Variants in ADRA1A observed in about 807,000 individuals in gnomAD.
ADRA1A encodes alpha-1A adrenergic receptor.
In ADRA1A, 31 loss-of-function variants were observed where a neutral mutation model predicts 29.6. The observed-to-expected ratio is 1.05, with a 90% CI of 0.79 to 1.41. The LOEUF (loss-of-function observed/expected upper bound fraction) is 1.41, where lower values mean the gene tolerates loss of function less well. ADRA1A is among the 40% of genes most tolerant of loss of function. The probability of loss-of-function intolerance (pLI) is 0.00; values close to 1 mark genes in which losing one functional copy is unlikely to be tolerated. For missense variants in ADRA1A, 619 were observed against 601.1 expected (o/e 1.03, Z -0.31); for synonymous variants, 311 against 254.3 (o/e 1.22, Z -2.12).
chr8:26,796,568 A>G lies in ADRA1A; in HGVS notation c.884-25902T>C, dbSNP rs1009189163. On this transcript the variant is annotated intron_variant, in intron 2 of 2. Transcript: ENST00000380573. The surrounding 1 kb of genome is among the most constrained non-coding windows in gnomAD (Gnocchi z 5.0). The stretch of plus-strand genomic sequence containing the variant: ...TCACAGCCTACAGTACCGTGAAGAC[A>G]AGGAGGAAAGATTCGAGGACAAATG... Among the ~76,000 whole-genome samples, 1 of 152,144 alleles carries G rather than the reference A, an allele frequency of 6.6e-6. No individual in the cohort carries two copies. Among genetic ancestry groups the G allele is most frequent in the Non-Finnish European group, 1.5e-5 (1 of 68,020 alleles).
chr8:26,769,912 C>G lies in ADRA1A; in HGVS notation c.*237G>C. On this transcript the variant is annotated 3_prime_UTR_variant, in exon 3 of 3. Transcript: ENST00000380573. ...AGTGGGCACAGAGTGACCAAGAAAG[C>G]ATTAGCTGCAGGGAAATGCTGTTCC... 1 of 1,261,092 alleles carries G rather than the reference C, an allele frequency of 7.9e-7. No homozygotes were observed. The highest frequency in any genetic ancestry group is 1.0e-6 in the Non-Finnish European group (1 of 1,004,750). 78.1% of individuals were successfully genotyped at this position (1,261,092 alleles called of 1,614,324 possible). A position where few individuals can be genotyped will look rare whatever the true frequency, so the allele number is the denominator to read the frequency against.
Position 26,769,291 on chromosome 8 carries a change from A to T in ADRA1A, c.*858T>A. ...CTATCTTTGCAAGAAATTAACAGCC[A>T]CACCAACCTCTTGCTCTTTAAAGAT... On this transcript the variant is annotated 3_prime_UTR_variant, in exon 3 of 3. Coordinates refer to ENST00000380573, the MANE Select transcript of ADRA1A (RefSeq NM_000680.4). The T allele has an allele frequency of 3.0e-6, 3 of 985,428 alleles. No individual in the cohort carries two copies. The highest frequency in any genetic ancestry group is 3.6e-6 in the Non-Finnish European group (3 of 829,900). The allele number at this position is 985,428 out of a possible 1,614,324, so 61.0% of individuals were successfully genotyped here.
chr8:26,859,958 G>A (rs908375118), intron 2 of ADRA1A, among the ~76,000 whole-genome samples: 4 of 151,986 alleles, frequency 2.6e-5, no homozygotes, highest in African/African-American at 9.7e-5. Context: ...AGTAAAGACA[G>A]GGTTTCACCA....
chr8:26,787,159 G>T lies in ADRA1A; in HGVS notation c.884-16493C>A, dbSNP rs1807452717. Among the ~76,000 whole-genome samples the T allele has an allele frequency of 6.6e-6, 1 of 152,146 alleles. No homozygotes were observed. Among genetic ancestry groups the T allele is most frequent in the Non-Finnish European group, 1.5e-5 (1 of 68,026 alleles). On this transcript the variant is annotated intron_variant, in intron 2 of 2. Coordinates refer to ENST00000380573, the MANE Select transcript of ADRA1A (RefSeq NM_000680.4). The surrounding 1 kb of genome is among the most constrained non-coding windows in gnomAD (Gnocchi z 4.2). ...CTCATGTTTTAAATTTCTAGATGAT[G>T]CTATCTGCGAATCTGTCACTGCTTT...
chr8:26,788,499 C>T (rs1033602301), intron 2 of ADRA1A, among the ~76,000 whole-genome samples: 1 of 152,066 alleles, frequency 6.6e-6, no homozygotes, highest in Non-Finnish European at 1.5e-5. Flanking sequence ...TTCCTAGCAC[C>T]ATGAGGGTGA....
chr8:26,770,560 G>T lies in ADRA1A; in HGVS notation c.990C>A (p.Ser330Arg). The T allele has an allele frequency of 1.2e-6, 2 of 1,614,198 alleles. No homozygotes were observed. The highest frequency in any genetic ancestry group is 1.7e-6 in the Non-Finnish European group (2 of 1,180,040). Residue 330 changes from serine to arginine, a missense_variant, in exon 3 of 3, where the codon AGC (serine) becomes AGA (arginine). Coordinates refer to ENST00000380573, the MANE Select transcript of ADRA1A (RefSeq NM_000680.4). ...CINPIIYPCS[S>R]QEFKKAFQNV... ...TCTGAAAGGCCTTTTTGAACTCTTG[G>T]CTGGAGCATGGGTATATGATGGGGT...
At chr8:26,788,985 C>T (rs1242843770) in intron 2 of ADRA1A, among the ~76,000 whole-genome samples, 4 of 151,980 alleles carry the variant, frequency 2.6e-5, no homozygotes, top group African/African-American at 9.7e-5. Flanking sequence ...GCGGAACGTG[C>T]ACATTTGTTA....
chr8:26,850,621 G>T (rs1271099187), intron 2 of ADRA1A, among the ~76,000 whole-genome samples: 1 of 152,142 alleles, frequency 6.6e-6, no homozygotes, highest in Non-Finnish European at 1.5e-5. Flanking sequence ...TCAGGCTCCT[G>T]AATAGCTAGA....
chr8:26,807,820 G>A (rs1809107825), intron 2 of ADRA1A, among the ~76,000 whole-genome samples: 2 of 152,174 alleles, frequency 1.3e-5, no homozygotes, highest in East Asian at 1.9e-4. Flanking sequence ...AAGAGGCCAG[G>A]ACCCATCCAC....
rs1813883200 is a variant in ADRA1A, at chr8:26,865,994, G to A, written c.-686-339C>T. Among the ~76,000 whole-genome samples, 1 of 152,220 alleles carries A rather than the reference G, an allele frequency of 6.6e-6. No individual in the cohort carries two copies. The highest frequency in any genetic ancestry group is 2.4e-5 in the African/African-American group (1 of 41,468). ...CGAAATTAAAATCCTCGAAGCCCCG[G>A]AGGGGCGACTGCGGCTGGCGAGTGT... On this transcript the variant is annotated intron_variant, in intron 1 of 2. Transcript: ENST00000380573. This position sits in a 1 kb window ranked among gnomAD's most constrained non-coding sequence, Gnocchi z 7.6.
At chr8:26,780,794 A>C (rs1806920875) in intron 2 of ADRA1A, among the ~76,000 whole-genome samples, 1 of 152,170 alleles carries the variant, frequency 6.6e-6, no homozygotes, top group African/African-American at 2.4e-5. Context: ...ATTAGATTCC[A>C]ATAGGAGCAC....
At chr8:26,764,043 G>A (rs1419149233), downstream of ADRA1A, among the ~76,000 whole-genome samples, 2 of 152,134 alleles carry the variant, frequency 1.3e-5, no homozygotes, top group South Asian at 2.1e-4. Context: ...CTTTGAAACA[G>A]ATGAACTTGA....
At chr8:26,756,653 G>C in exon 3 of ADRA1A, 5 of 1,603,780 alleles carry the variant, frequency 3.1e-6, no homozygotes, top group Non-Finnish European at 4.3e-6. Flanking sequence ...AGGCTCCTGG[G>C]CTCCTGGGGT....
chr8:26,835,862 A>T (rs1466364940), intron 2 of ADRA1A: 1 of 152,462 alleles, frequency 6.6e-6, no homozygotes, highest in Non-Finnish European at 1.5e-5. Context: ...TTTCCAAAGC[A>T]TTTTTATTCA....
chr8:26,828,346 G>A (rs1053752691), intron 2 of ADRA1A, among the ~76,000 whole-genome samples: 1 of 152,074 alleles, frequency 6.6e-6, no homozygotes, highest in African/African-American at 2.4e-5. Flanking sequence ...ACTCATCCAT[G>A]GTTACGAAAG....
chr8:26,821,859 A>T lies in ADRA1A; in HGVS notation c.883+42228T>A, dbSNP rs2130598742. Among the ~76,000 whole-genome samples the T allele has an allele frequency of 6.6e-6, 1 of 152,296 alleles. No homozygotes were observed. The highest frequency in any genetic ancestry group is 6.5e-5 in the Admixed American group (1 of 15,288). ...AAATAGAGTCATACAGTATGCAATC[A>T]TTTTGGGATTGGCTTTTTCCACTTA... is the stretch of plus-strand genomic sequence containing the variant. On this transcript the variant is annotated intron_variant, in intron 2 of 2. Coordinates refer to ENST00000380573, the MANE Select transcript of ADRA1A (RefSeq NM_000680.4). This position sits in a 1 kb window ranked among gnomAD's most constrained non-coding sequence, Gnocchi z 5.6.
At chr8:26,783,829 C>T (rs555993900) in intron 2 of ADRA1A, among the ~76,000 whole-genome samples, 3 of 152,282 alleles carry the variant, frequency 2.0e-5, no homozygotes, top group East Asian at 1.9e-4. Context: ...TACATATATA[C>T]CATTGAATAC....
At chr8:26,785,542 C>G (rs1227288314) in intron 2 of ADRA1A, among the ~76,000 whole-genome samples, 1 of 133,124 alleles carries the variant, frequency 7.5e-6, no homozygotes, top group Non-Finnish European at 1.6e-5. Flanking sequence ...TTAATTGACA[C>G]ATTGATTTTT....
intron 2 of ADRA1A, among the ~76,000 whole-genome samples, chr8:26,792,216 G>C (rs1458486351): frequency 1.3e-5 from 2 of 152,044 alleles, no homozygotes; most frequent in African/African-American, 4.8e-5. Context: ...CTCAGCAGCA[G>C]TATGTATTTA....
Sources: gnomAD v4.1 joint callset for allele counts (sites outside exome capture counted in the v4.1 genomes callset) on GRCh38, gnomAD v4.1.1 for gene constraint, Gnocchi (gnomAD v3.1) non-coding constraint, MANE v1.5 for transcripts, NCBI Gene and HGNC (gene_info 2026-07-23, HGNC 2026-07-21) for gene names.